IMPG1: variants seen among roughly 807,000 people sequenced by gnomAD.
IMPG1 encodes the protein interphotoreceptor matrix proteoglycan 1.
Under a neutral mutation model 92.0 loss-of-function variants are expected in IMPG1, and 85 were observed. That is an observed-to-expected ratio of 0.92 (90% CI 0.78 to 1.11). The LOEUF (loss-of-function observed/expected upper bound fraction) is 1.11, where lower values mean the gene tolerates loss of function less well. Among genes scored for constraint, IMPG1 ranks in the 50% least tolerant of loss-of-function variants. The probability of loss-of-function intolerance (pLI) is 0.00; values close to 1 mark genes in which losing one functional copy is unlikely to be tolerated. For missense variants in IMPG1, 1,022 were observed against 956.0 expected, an observed-to-expected ratio of 1.07 and a Z score of -0.91; for synonymous variants, 367 against 334.1, an observed-to-expected ratio of 1.10 and a Z score of -1.08.
rs112985372 is a variant in IMPG1 at position 75,990,588 on chromosome 6, T to TACACACACACACAC, written c.1291+12316_1291+12329dup. 1.1e-3 allele frequency among the ~76,000 whole-genome samples: 155 copies of TACACACACACACAC among 145,006 alleles called. 1 individual carries two copies. Among genetic ancestry groups the TACACACACACACAC allele is most frequent in the East Asian group, 3.1e-3 (15 of 4,850 alleles). ...GAGCAACATTAGGAGACCCCACCTC[T>TACACACACACACAC]ACACACACACACACACACACACACA... On this transcript the variant is annotated intron_variant, in intron 12 of 16. Coordinates refer to ENST00000369950, the MANE Select transcript of IMPG1 (RefSeq NM_001563.4).
At chr6:76,006,362 A>G (rs1378056797) in intron 9 of IMPG1, among the ~76,000 whole-genome samples, 1 of 148,398 alleles carries the variant, frequency 6.7e-6, no homozygotes, top group Non-Finnish European at 1.5e-5. Flanking sequence ...ATATACTATT[A>G]TGCATATACA....
chr6:76,057,435 T>C (rs1784138322), intron 1 of IMPG1, among the ~76,000 whole-genome samples: 1 of 152,100 alleles, frequency 6.6e-6, no homozygotes, highest in South Asian at 2.1e-4. Context: ...TCAAATCTGC[T>C]TGTGAGGTGT....
intron 1 of IMPG1, among the ~76,000 whole-genome samples, chr6:76,049,462 T>G (rs545125150): frequency 6.6e-6 from 1 of 152,034 alleles, no homozygotes; most frequent in East Asian, 1.9e-4. Context: ...CCTACCTTTA[T>G]TCTCTCTCTC....
At chr6:76,039,515 C>T (rs768626351) in intron 2 of IMPG1, among the ~76,000 whole-genome samples, 1 of 152,114 alleles carries the variant, frequency 6.6e-6, no homozygotes, top group African/African-American at 2.4e-5. Flanking sequence ...GCCACCATGC[C>T]CAGCTAATTT....
At chr6:76,059,527 C>T (rs1784170630) in intron 1 of IMPG1, among the ~76,000 whole-genome samples, 1 of 152,080 alleles carries the variant, frequency 6.6e-6, no homozygotes. Context: ...TGGCCCAGAA[C>T]CAGCAGTCAT....
At position 76,018,866 on chromosome 6, in the gene IMPG1, T is replaced by TA. The variant is rs377755519; in HGVS notation, c.667-9dup. The TA allele has an allele frequency of 0.011, 15,242 of 1,450,912 alleles. 29 individuals are homozygous for TA. Among genetic ancestry groups the TA allele is most frequent in the East Asian group, 0.069 (2,846 of 41,446 alleles). 89.9% of individuals were successfully genotyped at this position (1,450,912 alleles called of 1,614,324 possible). A position where few individuals can be genotyped will look rare whatever the true frequency, so the allele number is the denominator to read the frequency against. The stretch of plus-strand genomic sequence containing the variant: ...GAATTCTGTTTCTCTTTCCTGAGTT[T>TA]AAAAAAAAAAAAAAGGACTTCTGTT... On this transcript the variant is annotated splice_polypyrimidine_tract_variant and intron_variant, in intron 6 of 16. Transcript: ENST00000369950.
At chr6:76,023,572 A>G (rs182703209) in intron 5 of IMPG1, among the ~76,000 whole-genome samples, 70 of 152,244 alleles carry the variant, frequency 4.6e-4, no homozygotes, top group African/African-American at 1.6e-3. Context: ...GCACCTAGTA[A>G]CATTTCCCAA....
At chr6:75,977,587 C>CAAA (rs59746948) in intron 12 of IMPG1, among the ~76,000 whole-genome samples, 1 of 121,428 alleles carries the variant, frequency 8.2e-6, no homozygotes, top group Admixed American at 8.0e-5. Context: ...AACTCTGCCT[C>CAAA]AAAAAAAAAA....
intron 11 of IMPG1, 60 bp downstream of exon 11, chr6:76,003,814 T>A: frequency 4.1e-6 from 5 of 1,233,282 alleles, no homozygotes; most frequent in Non-Finnish European, 4.7e-6. Flanking sequence ...TGATTTGTTC[T>A]TTGGTGGAAG....
At chr6:76,067,484 C>T (rs1409116419) in intron 1 of IMPG1, among the ~76,000 whole-genome samples, 2 of 151,638 alleles carry the variant, frequency 1.3e-5, no homozygotes, top group Non-Finnish European at 2.9e-5. Context: ...AAGGTTGAAC[C>T]AGGAAGAAAT....
chr6:76,003,398 A>G lies in IMPG1; in HGVS notation c.1213-402T>C, dbSNP rs1783034442. On this transcript the variant is annotated intron_variant, in intron 11 of 16. Transcript: ENST00000369950. ...TAGGTTTAAATTAAATACAAAAATTATTACTGAATTTATTATTTACTTTTA... is the reference window on the plus strand; with the variant it reads ...TAGGTTTAAATTAAATACAAAAATTGTTACTGAATTTATTATTTACTTTTA... Among the ~76,000 whole-genome samples, 4 of 152,240 alleles carry G rather than the reference A, an allele frequency of 2.6e-5. No individual in the cohort carries two copies. In the South Asian group the frequency reaches 6.2e-4, roughly 24 times the overall value.
intron 14 of IMPG1, among the ~76,000 whole-genome samples, chr6:75,943,434 A>G (rs985212031): frequency 1.3e-5 from 2 of 152,100 alleles, no homozygotes; most frequent in Non-Finnish European, 2.9e-5. Flanking sequence ...AGAGCCTGGC[A>G]TCACCCTCTC....
rs574079316 is a variant in IMPG1 at position 76,018,172 on chromosome 6, A to AT, written c.807+545dup. Among the ~76,000 whole-genome samples the AT allele has an allele frequency of 1.1e-3, 163 of 152,118 alleles. 1 individual carries two copies. The highest frequency in any genetic ancestry group is 4.2e-3 in the South Asian group (20 of 4,798). On this transcript the variant is annotated intron_variant, in intron 7 of 16. Transcript: ENST00000369950. ...GAGTACCTAATCCCATATATACTAC[A>AT]TTTTTTTTCCATACACACATACCTA...
intron 15 of IMPG1, among the ~76,000 whole-genome samples, chr6:75,928,207 C>CT (rs35175159): frequency 0.11 from 15,997 of 148,012 alleles, 1,000 homozygotes; most frequent in Middle Eastern, 0.17. Context: ...TTCTTTCTTT[C>CT]TTTTTTTTTT....
chr6:75,982,571 A>ATCTATCTATC (rs1380133285), intron 12 of IMPG1, among the ~76,000 whole-genome samples: 4 of 147,782 alleles, frequency 2.7e-5, no homozygotes, highest in African/African-American at 1.0e-4. Flanking sequence ...CTATATATCT[A>ATCTATCTATC]TATAGATATA....
chr6:75,946,991 A>T (rs1781937828), intron 14 of IMPG1, among the ~76,000 whole-genome samples: 1 of 152,168 alleles, frequency 6.6e-6, no homozygotes, highest in Admixed American at 6.5e-5. Flanking sequence ...AATGTAAATT[A>T]GCTTGGCTGT....
chr6:75,947,206 TC>T, intron 14 of IMPG1, 107 bp downstream of exon 14: 2 of 789,208 alleles, frequency 2.5e-6, no homozygotes, highest in South Asian at 3.5e-5. Context: ...TGGTATCATT[TC>T]AGTTTGATTT....
intron 1 of IMPG1, among the ~76,000 whole-genome samples, chr6:76,044,461 G>A (rs1383721143): frequency 6.6e-6 from 1 of 152,078 alleles, no homozygotes; most frequent in Non-Finnish European, 1.5e-5. Flanking sequence ...AATGTGTGGG[G>A]TCCTGCTATC....
chr6:76,037,543 A>G (rs578188729), intron 2 of IMPG1, among the ~76,000 whole-genome samples: 2 of 152,292 alleles, frequency 1.3e-5, no homozygotes, highest in South Asian at 4.1e-4. Flanking sequence ...GCCGTCTCTG[A>G]CCCTTCATCT....
Sources: allele counts gnomAD v4.1 joint callset (sites outside exome capture counted in the v4.1 genomes callset), GRCh38; gene constraint gnomAD v4.1.1; transcripts MANE v1.5; gene names NCBI Gene and HGNC (gene_info 2026-07-23, HGNC 2026-07-21).